The following TUSC3 variants were observed in gnomAD, a reference collection of about 807,000 sequenced individuals.
TUSC3 encodes dolichyl-diphosphooligosaccharide--protein glycosyltransferase subunit TUSC3.
In TUSC3, 45 loss-of-function variants were observed where a neutral mutation model predicts 44.8. The ratio of observed to expected loss-of-function variants is 1.00; its 90% confidence interval spans 0.79 to 1.29. The LOEUF is 1.29. Among genes scored for constraint, TUSC3 ranks in the 50% most tolerant of loss-of-function variants. The pLI, the probability that TUSC3 is intolerant of heterozygous loss-of-function variation, is 0.00. For synonymous variants in TUSC3, 212 were observed against 152.9 expected (o/e 1.39, Z -2.85); for missense variants, 519 against 437.9 (o/e 1.19, Z -1.65).
At chr8:15,686,912 C>CA (rs1417059104) in intron 6 of TUSC3, among the ~76,000 whole-genome samples, 2 of 151,744 alleles carry the variant, frequency 1.3e-5, no homozygotes, top group East Asian at 2.0e-4. Flanking sequence ...ACTAAAAATA[C>CA]AAAAAATTAG....
At chr8:15,848,448 G>T in the TUSC3 span, among the ~76,000 whole-genome samples, 4 of 152,160 alleles carry the variant, frequency 2.6e-5, no homozygotes, top group Non-Finnish European at 5.9e-5. Context: ...GAAAAACCCA[G>T]GGCAGGCTGC....
At chr8:15,595,032 C>T (rs935160290) in intron 1 of TUSC3, among the ~76,000 whole-genome samples, 1 of 152,110 alleles carries the variant, frequency 6.6e-6, no homozygotes, top group Non-Finnish European at 1.5e-5. Context: ...GAAGGACATC[C>T]TGTTTCTAAG....
At chr8:15,819,729 T>C in the TUSC3 span, among the ~76,000 whole-genome samples, 4 of 152,198 alleles carry the variant, frequency 2.6e-5, no homozygotes, top group African/African-American at 9.6e-5. Context: ...CAATATCTCT[T>C]GTAGAAAGAT....
chr8:15,617,173 T>C (rs1379345565), intron 1 of TUSC3, among the ~76,000 whole-genome samples: 1 of 148,550 alleles, frequency 6.7e-6, no homozygotes, highest in Non-Finnish European at 1.5e-5. Flanking sequence ...AGAGTCTTGC[T>C]CTGTCGCCCA....
At chr8:15,458,571 A>G (rs1800295103) in intron 1 of TUSC3, among the ~76,000 whole-genome samples, 1 of 152,172 alleles carries the variant, frequency 6.6e-6, no homozygotes, top group Non-Finnish European at 1.5e-5. Flanking sequence ...AAAACGTGTT[A>G]AATAAAAGCA....
chr8:15,811,609 G>T, the TUSC3 span, among the ~76,000 whole-genome samples: 2 of 152,178 alleles, frequency 1.3e-5, no homozygotes, highest in Non-Finnish European at 2.9e-5. Context: ...CAAGTGAAAG[G>T]CAAAGAATTA....
chr8:15,827,417 G>A, the TUSC3 span, among the ~76,000 whole-genome samples: 1 of 152,224 alleles, frequency 6.6e-6, no homozygotes, highest in Admixed American at 6.5e-5. Flanking sequence ...TAAGTAATCT[G>A]TAATGGGATT....
intron 2 of TUSC3, among the ~76,000 whole-genome samples, chr8:15,490,590 AC>A (rs1212631436): frequency 3.3e-5 from 5 of 152,330 alleles, no homozygotes; most frequent in Admixed American, 2.0e-4. Context: ...CAGCTCAGAC[AC>A]AAAGTGTGCA....
At chr8:15,827,532 A>G in the TUSC3 span, among the ~76,000 whole-genome samples, 1 of 152,288 alleles carries the variant, frequency 6.6e-6, no homozygotes, top group African/African-American at 2.4e-5. Context: ...TAATGGAAGT[A>G]AAAATGGCTT....
intron 1 of TUSC3, among the ~76,000 whole-genome samples, chr8:15,456,026 G>A (rs1022565099): frequency 4.6e-5 from 7 of 152,020 alleles, no homozygotes; most frequent in Non-Finnish European, 8.8e-5. Flanking sequence ...CAACCACTCC[G>A]GTGGCCCTAC....
At chr8:15,524,500 A>AT (rs1233210864) in intron 2 of TUSC3, among the ~76,000 whole-genome samples, 1 of 152,132 alleles carries the variant, frequency 6.6e-6, no homozygotes, top group Non-Finnish European at 1.5e-5. Context: ...TAAAGCCTAT[A>AT]TTTTTTTCTT....
chr8:15,603,604 A>G (rs1804389361), intron 1 of TUSC3, among the ~76,000 whole-genome samples: 1 of 151,650 alleles, frequency 6.6e-6, no homozygotes, highest in African/African-American at 2.4e-5. Flanking sequence ...TAAAAATATG[A>G]TATGGTAATA....
intron 1 of TUSC3, among the ~76,000 whole-genome samples, chr8:15,447,936 T>G (rs568304079): frequency 3.4e-4 from 51 of 151,238 alleles, no homozygotes; most frequent in African/African-American, 1.2e-3. Flanking sequence ...GGTAGCTACA[T>G]GTGGGTATGT....
intron 4 of TUSC3, among the ~76,000 whole-genome samples, chr8:15,661,377 C>G (rs1015901551): frequency 1.3e-5 from 2 of 151,924 alleles, no homozygotes; most frequent in Non-Finnish European, 2.9e-5. Flanking sequence ...TGTCTTTTCT[C>G]TTTAAAAACA....
At chr8:15,824,539 A>T in the TUSC3 span, among the ~76,000 whole-genome samples, 1 of 151,566 alleles carries the variant, frequency 6.6e-6, no homozygotes, top group East Asian at 2.0e-4. Flanking sequence ...GTTCTCACTC[A>T]TAGGTGGGAA....
chr8:15,746,826 A>C (rs1811438171), intron 8 of TUSC3, among the ~76,000 whole-genome samples: 2 of 152,156 alleles, frequency 1.3e-5, no homozygotes, highest in Middle Eastern at 6.9e-3. Flanking sequence ...ATAATTTTGT[A>C]ATTAATTATA....
chr8:15,479,270 A>G (rs925674533), intron 1 of TUSC3, among the ~76,000 whole-genome samples: 1 of 152,150 alleles, frequency 6.6e-6, no homozygotes, highest in African/African-American at 2.4e-5. Flanking sequence ...TTTGCTGTGA[A>G]GAAGCTCTCT....
rs185020976 is a variant in TUSC3, at chr8:15,470,242, G to A, written n.92-13144G>A. On this transcript the variant is annotated intron_variant and non_coding_transcript_variant, in intron 1 of 5. Coordinates refer to the TUSC3 transcript ENST00000503191. ...CCACTACACTCCAGCCTGGGCAACA[G>A]AGAAAGACCCTGTCTCAAAAAAAAA... Among the ~76,000 whole-genome samples the A allele has an allele frequency of 3.5e-5, 5 of 141,654 alleles. No homozygotes were observed. The East Asian group carries it at 1.0e-3, about 30-fold the overall frequency. The allele number at this position is 141,654 out of a possible 152,430, so 92.9% of individuals were successfully genotyped here. A position where few individuals can be genotyped will look rare whatever the true frequency, so the allele number is the denominator to read the frequency against.
At chr8:15,426,627 C>T (rs2129116169) in intron 1 of TUSC3, among the ~76,000 whole-genome samples, 1 of 152,204 alleles carries the variant, frequency 6.6e-6, no homozygotes, top group Non-Finnish European at 1.5e-5. Context: ...GTTATTTCCC[C>T]ATTCTTCTGT....
Sources: allele counts gnomAD v4.1 joint callset (sites outside exome capture counted in the v4.1 genomes callset), GRCh38; gene constraint gnomAD v4.1.1; transcripts MANE v1.5; gene names NCBI Gene and HGNC (gene_info 2026-07-23, HGNC 2026-07-21).